The following PLXDC2 variants were observed in gnomAD, a reference collection of about 807,000 sequenced individuals.
PLXDC2 encodes the protein plexin domain containing 2.
In PLXDC2, 40 loss-of-function variants were observed where a neutral mutation model predicts 68.9. The observed-to-expected ratio is 0.58, with a 90% confidence interval of 0.45 to 0.76. PLXDC2 has a LOEUF of 0.76. PLXDC2 is among the 30% of genes least tolerant of loss of function. The pLI, the probability that PLXDC2 is intolerant of heterozygous loss-of-function variation, is 0.00. For synonymous variants in PLXDC2, 243 were observed against 234.2 expected, an observed-to-expected ratio of 1.04 and a Z score of -0.34; for missense variants, 644 against 661.9, an observed-to-expected ratio of 0.97 and a Z score of 0.30.
intron 1 of PLXDC2, among the ~76,000 whole-genome samples, chr10:19,975,553 A>G (rs186530123): frequency 0.011 from 1,621 of 152,270 alleles, 18 homozygotes; most frequent in Non-Finnish European, 0.016. Context: ...GTCACACACC[A>G]TCCCCCCAAC....
intron 1 of PLXDC2, among the ~76,000 whole-genome samples, chr10:19,906,033 G>A (rs375176354): frequency 2.6e-5 from 4 of 152,088 alleles, no homozygotes; most frequent in East Asian, 3.9e-4. Context: ...TGCCTTGATG[G>A]GCCTTACATT....
intron 9 of PLXDC2, among the ~76,000 whole-genome samples, chr10:20,188,054 G>A (rs1051253874): frequency 1.3e-5 from 2 of 151,454 alleles, no homozygotes; most frequent in Admixed American, 1.3e-4. Flanking sequence ...TTCATCCAGT[G>A]ATAATAAAAG....
At chr10:19,924,103 C>T in intron 1 of PLXDC2, among the ~76,000 whole-genome samples, 1 of 152,122 alleles carries the variant, frequency 6.6e-6, no homozygotes, top group East Asian at 1.9e-4. Context: ...CCCAACCTCT[C>T]CTCCCAAATA....
intron 9 of PLXDC2, among the ~76,000 whole-genome samples, chr10:20,202,532 G>T (rs1488519448): frequency 6.6e-6 from 1 of 151,954 alleles, no homozygotes; most frequent in Non-Finnish European, 1.5e-5. Context: ...GCTCTGTAAA[G>T]AAGGATTGTG....
intron 1 of PLXDC2, among the ~76,000 whole-genome samples, chr10:19,887,587 A>T (rs1837872429): frequency 6.6e-6 from 1 of 152,174 alleles, no homozygotes; most frequent in Admixed American, 6.5e-5. Context: ...AATTTATATG[A>T]GTGAAATGTT....
chr10:20,195,212 A>G (rs533765358), intron 9 of PLXDC2, among the ~76,000 whole-genome samples: 4 of 152,048 alleles, frequency 2.6e-5, no homozygotes, highest in East Asian at 1.9e-4. Flanking sequence ...AGCCAAGTCT[A>G]TCTCTCCTCC....
intron 4 of PLXDC2, among the ~76,000 whole-genome samples, chr10:20,075,908 A>G (rs1388732105): frequency 6.6e-6 from 1 of 152,110 alleles, no homozygotes; most frequent in East Asian, 1.9e-4. Context: ...CTAGTGCTAG[A>G]ATACTCCCTT....
At chr10:20,097,689 G>C (rs1220788821) in intron 4 of PLXDC2, among the ~76,000 whole-genome samples, 1 of 152,038 alleles carries the variant, frequency 6.6e-6, no homozygotes, top group East Asian at 1.9e-4. Context: ...CACTCAGGTA[G>C]TTTCTGCAAA....
At chr10:19,956,489 G>A (rs1834071512) in intron 1 of PLXDC2, among the ~76,000 whole-genome samples, 1 of 152,074 alleles carries the variant, frequency 6.6e-6, no homozygotes, top group Non-Finnish European at 1.5e-5. Flanking sequence ...GTACAGCTCT[G>A]GAATCTTAGT....
intron 3 of PLXDC2, among the ~76,000 whole-genome samples, chr10:20,065,494 G>A (rs1416619548): frequency 6.6e-6 from 1 of 152,160 alleles, no homozygotes; most frequent in East Asian, 1.9e-4. Context: ...TTTCCACAGA[G>A]GGTAGGAGGG....
At chr10:19,820,939 G>A (rs1019763167) in intron 1 of PLXDC2, among the ~76,000 whole-genome samples, 3 of 152,112 alleles carry the variant, frequency 2.0e-5, no homozygotes, top group Non-Finnish European at 4.4e-5. Context: ...TTAGCCGTGT[G>A]TGGTGGTAGA....
Position 19,817,137 on chromosome 10 carries a change from T to G in PLXDC2, c.58T>G (p.Phe20Val), listed in dbSNP as rs1406745545. 6.3e-7 allele frequency: 1 copy of G among 1,576,498 alleles called. No individual in the cohort carries two copies. Among genetic ancestry groups the G allele is most frequent in the Non-Finnish European group, 8.6e-7 (1 of 1,157,952 alleles). Reference protein sequence around the residue: ...AAAGVMLLCHFFTDQFQFADG... With the variant: ...AAAGVMLLCHVFTDQFQFADG... ...TGCAGGAGTTATGTTACTTTGCCAC[T>G]TCTTCACGGACCAGTTTCAGTTCGC... Residue 20 changes from phenylalanine (F) to valine (V), a missense_variant, in exon 1 of 14, where the codon TTC becomes GTC. Phe to Val is a conservative substitution (Grantham distance 50). This residue lies in a region of PLXDC2 where 201 missense variants were observed against 166.9 expected (regional missense o/e 1.20). Transcript: ENST00000377252.
At chr10:20,104,116 T>C (rs973256845) in intron 4 of PLXDC2, among the ~76,000 whole-genome samples, 1 of 152,180 alleles carries the variant, frequency 6.6e-6, no homozygotes, top group Non-Finnish European at 1.5e-5. Context: ...TTAGGAAGTC[T>C]GAACATAGGT....
At chr10:20,017,757 C>T (rs368979850) in intron 2 of PLXDC2, among the ~76,000 whole-genome samples, 4 of 152,170 alleles carry the variant, frequency 2.6e-5, no homozygotes, top group African/African-American at 4.8e-5. Context: ...TTTTCATTCT[C>T]GTATTTAAAG....
chr10:20,210,127 C>G (rs1835049753), intron 9 of PLXDC2, among the ~76,000 whole-genome samples: 2 of 152,064 alleles, frequency 1.3e-5, no homozygotes, highest in African/African-American at 4.8e-5. Context: ...TCTCCAAGAC[C>G]TTTAGTGGAT....
intron 1 of PLXDC2, among the ~76,000 whole-genome samples, chr10:19,853,196 G>A (rs1303464541): frequency 6.6e-6 from 1 of 152,146 alleles, no homozygotes; most frequent in Non-Finnish European, 1.5e-5. Flanking sequence ...GACTTAAAGT[G>A]AGTAATGCCT....
Position 19,973,818 on chromosome 10 carries a change from C to T in PLXDC2, c.113-27957C>T, listed in dbSNP as rs550361806. Among the ~76,000 whole-genome samples the T allele has an allele frequency of 4.5e-4, 68 of 152,222 alleles. 1 individual carries two copies. The highest frequency in any genetic ancestry group is 8.3e-4 in the South Asian group (4 of 4,820). On this transcript the variant is annotated intron_variant, in intron 1 of 13. Transcript: ENST00000377252. ...ATGGGGACTGAGCTCCCTGGGAGAG[C>T]GCCATTCTGCCTCCATTTGACATTC...
intron 9 of PLXDC2, among the ~76,000 whole-genome samples, chr10:20,188,131 C>T (rs1834711438): frequency 6.6e-6 from 1 of 151,486 alleles, no homozygotes; most frequent in African/African-American, 2.4e-5. Flanking sequence ...TAAATATATA[C>T]TAAATATGTG....
At chr10:20,255,152 C>T (rs2119354579) in intron 13 of PLXDC2, among the ~76,000 whole-genome samples, 1 of 150,288 alleles carries the variant, frequency 6.7e-6, no homozygotes. Context: ...CATGAAAATC[C>T]ATAGATGGAT....
Sources: allele counts gnomAD v4.1 joint callset (sites outside exome capture counted in the v4.1 genomes callset), GRCh38; gene constraint gnomAD v4.1.1; regional missense constraint gnomAD v4.1.1; transcripts MANE v1.5; gene names NCBI Gene and HGNC (gene_info 2026-07-23, HGNC 2026-07-21).